DLGAP2: variants seen among roughly 807,000 people sequenced by gnomAD.
DLGAP2 encodes disks large-associated protein 2.
DLGAP2 carries 26 observed loss-of-function variants against 100.3 expected under a neutral mutation model. The observed-to-expected ratio is 0.26, with a 90% confidence interval of 0.19 to 0.36. DLGAP2 has a LOEUF of 0.36. DLGAP2 is among the 10% of genes least tolerant of loss of function. DLGAP2 has a pLI of 1.00. For synonymous variants in DLGAP2, 886 were observed against 630.1 expected (o/e 1.41, Z -6.08); for missense variants, 1,858 against 1,453.2 (o/e 1.28, Z -4.53).
chr8:1,366,079 C>A (rs1802101792), intron 3 of DLGAP2, among the ~76,000 whole-genome samples: 1 of 152,266 alleles, frequency 6.6e-6, no homozygotes, highest in South Asian at 2.1e-4. Flanking sequence ...TGCCTTATGT[C>A]ACTGTGCACC....
chr8:890,005 C>T (rs983647880), intron 1 of DLGAP2, among the ~76,000 whole-genome samples: 6 of 152,088 alleles, frequency 3.9e-5, no homozygotes, highest in African/African-American at 1.2e-4. Context: ...GGAAGGGACT[C>T]CCCTTCCCCG....
chr8:1,658,185 T>G (rs1798328211), intron 8 of DLGAP2, among the ~76,000 whole-genome samples: 2 of 152,082 alleles, frequency 1.3e-5, no homozygotes, highest in South Asian at 4.1e-4. Flanking sequence ...CTGGTTGCCA[T>G]GATACCTGTA....
At chr8:1,503,410 G>C (rs1419541871) in intron 4 of DLGAP2, among the ~76,000 whole-genome samples, 1 of 152,060 alleles carries the variant, frequency 6.6e-6, no homozygotes, top group South Asian at 2.1e-4. Context: ...ATTTCACATG[G>C]GGTAATGTCT....
chr8:1,667,038 G>A (rs1798561471), intron 8 of DLGAP2, among the ~76,000 whole-genome samples: 1 of 152,210 alleles, frequency 6.6e-6, no homozygotes, highest in Admixed American at 6.5e-5. Flanking sequence ...TACGTCACAA[G>A]CAGCCTGGCA....
rs147850124 is a variant in DLGAP2, at chr8:758,762, A to G, written c.18+20937A>G. 5.5e-3 allele frequency among the ~76,000 whole-genome samples: 841 copies of G among 152,106 alleles called. 3 individuals are homozygous for G. Among genetic ancestry groups the G allele is most frequent in the Non-Finnish European group, 7.9e-3 (537 of 67,976 alleles). ...TTTTTTGTAGAAATGTGGTCTTGCC[A>G]TTTTGTCCAGGCTGGTCCTGAACTC... is the stretch of plus-strand genomic sequence containing the variant. On this transcript the variant is annotated intron_variant, in intron 1 of 14. Coordinates refer to ENST00000637795, the MANE Select transcript of DLGAP2 (RefSeq NM_001346810.2).
chr8:1,421,831 G>T (rs966401108), intron 3 of DLGAP2, among the ~76,000 whole-genome samples: 4 of 152,064 alleles, frequency 2.6e-5, no homozygotes, highest in Non-Finnish European at 5.9e-5. Flanking sequence ...AGGTATGGTG[G>T]CACATGCCTG....
At chr8:1,343,700 T>TG (rs538432805) in intron 3 of DLGAP2, among the ~76,000 whole-genome samples, 13 of 123,182 alleles carry the variant, frequency 1.1e-4, no homozygotes, top group South Asian at 8.8e-4. Flanking sequence ...AGTTTGCATC[T>TG]GGGGGGTCGT....
chr8:1,090,338 C>T (rs182658366), intron 2 of DLGAP2, among the ~76,000 whole-genome samples: 1 of 113,854 alleles, frequency 8.8e-6, no homozygotes, highest in African/African-American at 3.0e-5. Flanking sequence ...CCATGTCTGC[C>T]CTCTGGGGCC....
At chr8:794,269 G>C (rs1795981008) in intron 1 of DLGAP2, among the ~76,000 whole-genome samples, 1 of 151,966 alleles carries the variant, frequency 6.6e-6, no homozygotes, top group South Asian at 2.1e-4. Context: ...TTTGCTGGCT[G>C]TTGAGACCAG....
rs936071835 is a variant in DLGAP2, at chr8:737,632, C to A, written c.-176C>A. 1.2e-5 allele frequency: 4 copies of A among 343,876 alleles called. No individual in the cohort carries two copies. The highest frequency in any genetic ancestry group is 4.3e-5 in the African/African-American group (2 of 46,288). The allele number at this position is 343,876 out of a possible 1,614,324, so 21.3% of individuals were successfully genotyped here. ...GTGCGCAGGCGCCGGCCGTGAAGAC[C>A]GACCGTGCGCCGGGCTCGAGCGCGG... is the stretch of plus-strand genomic sequence containing the variant. On this transcript the variant is annotated 5_prime_UTR_variant, in exon 1 of 15. Coordinates refer to ENST00000637795, the MANE Select transcript of DLGAP2 (RefSeq NM_001346810.2).
At chr8:1,104,125 A>G (rs1048587962) in intron 2 of DLGAP2, among the ~76,000 whole-genome samples, 3 of 152,198 alleles carry the variant, frequency 2.0e-5, no homozygotes, top group Non-Finnish European at 4.4e-5. Flanking sequence ...AGAGGGAGCC[A>G]TGGGGGTACC....
rs559517814 is a variant in DLGAP2, at chr8:1,312,312, C to G, written c.106+53429C>G. On this transcript the variant is annotated intron_variant, in intron 3 of 14. Coordinates refer to ENST00000637795, the MANE Select transcript of DLGAP2 (RefSeq NM_001346810.2). Reference sequence around the variant, plus strand: ...TTTTTAGAGACCGCACCGAAGGCACCTAGGAAAGAACAGATTGAGTGATTG... The same window carrying G: ...TTTTTAGAGACCGCACCGAAGGCACGTAGGAAAGAACAGATTGAGTGATTG... 4.6e-5 allele frequency among the ~76,000 whole-genome samples: 7 copies of G among 152,288 alleles called. No homozygotes were observed. In the South Asian group the frequency reaches 8.3e-4, roughly 18 times the overall value.
chr8:1,256,995 G>A (rs145758061), intron 2 of DLGAP2, among the ~76,000 whole-genome samples: 1,803 of 152,120 alleles, frequency 0.012, 23 homozygotes, highest in South Asian at 0.063. Flanking sequence ...GGGCTCCTGC[G>A]TCCGATGGCT....
intron 3 of DLGAP2, among the ~76,000 whole-genome samples, chr8:1,419,205 C>CAT (rs1322203473): frequency 2.7e-5 from 2 of 73,762 alleles, no homozygotes; most frequent in Non-Finnish European, 5.7e-5. Flanking sequence ...CTGATGCGTG[C>CAT]GTGTGTGTGT....
At chr8:1,415,674 G>A (rs949557295) in intron 3 of DLGAP2, among the ~76,000 whole-genome samples, 2 of 152,148 alleles carry the variant, frequency 1.3e-5, no homozygotes, top group African/African-American at 2.4e-5. Flanking sequence ...AGAATTTCGT[G>A]GTGTATAGGT....
chr8:1,148,906 C>G (rs1329873437), intron 2 of DLGAP2, among the ~76,000 whole-genome samples: 1 of 152,254 alleles, frequency 6.6e-6, no homozygotes, highest in Middle Eastern at 3.4e-3. Flanking sequence ...TTATTTCTGA[C>G]TTCAGTGGTC....
rs139677573 is a variant in DLGAP2 at position 1,040,897 on chromosome 8, G to T, written c.73+132931G>T. ...TCCTCAGCACGCACCCTCATTCCTG[G>T]AGCTGCCCTCTTTTGATCTAGGCTG... On this transcript the variant is annotated intron_variant, in intron 2 of 14. Coordinates refer to ENST00000637795, the MANE Select transcript of DLGAP2 (RefSeq NM_001346810.2). Among the ~76,000 whole-genome samples, 203 of 152,276 alleles carry T rather than the reference G, an allele frequency of 1.3e-3. 1 individual carries two copies. Among genetic ancestry groups the T allele is most frequent in the African/African-American group, 4.5e-3 (189 of 41,548 alleles).
At chr8:1,658,361 C>A (rs62483112) in intron 8 of DLGAP2, among the ~76,000 whole-genome samples, 3 of 152,144 alleles carry the variant, frequency 2.0e-5, no homozygotes, top group African/African-American at 7.2e-5. Flanking sequence ...AGGCAGCTTT[C>A]CCTTAAAGAA....
intron 12 of DLGAP2, chr8:1,688,500 G>T (rs982088551): frequency 2.0e-5 from 3 of 152,190 alleles, no homozygotes; most frequent in African/African-American, 7.2e-5. Flanking sequence ...CTTCGTGGGG[G>T]TGACAGTGGC....
Sources: allele counts gnomAD v4.1 joint callset (sites outside exome capture counted in the v4.1 genomes callset), GRCh38; gene constraint gnomAD v4.1.1; transcripts MANE v1.5; gene names NCBI Gene and HGNC (gene_info 2026-07-23, HGNC 2026-07-21).